The following STPG2 variants were observed in gnomAD, a reference collection of about 807,000 sequenced individuals.
The protein encoded by STPG2 is sperm-tail PG-rich repeat-containing protein 2.
STPG2 carries 56 observed loss-of-function variants against 54.2 expected under a neutral mutation model. The ratio of observed to expected loss-of-function variants is 1.03; its 90% CI spans 0.83 to 1.29. The LOEUF (loss-of-function observed/expected upper bound fraction) is 1.29. Ranked by LOEUF, STPG2 falls within the 50% of genes most tolerant of loss-of-function variation. STPG2 has a pLI of 0.00. For missense variants in STPG2, 596 were observed against 544.9 expected (o/e 1.09, Z -0.93); for synonymous variants, 200 against 181.8 (o/e 1.10, Z -0.81).
chr4:97,758,512 T>C (rs187055185), intron 9 of STPG2, among the ~76,000 whole-genome samples: 299 of 152,150 alleles, frequency 2.0e-3, no homozygotes, highest in African/African-American at 6.8e-3. Context: ...CTCAGCAAAT[T>C]AACACAGGAA....
At chr4:97,936,416 C>A (rs993118270) in intron 8 of STPG2, among the ~76,000 whole-genome samples, 1 of 152,162 alleles carries the variant, frequency 6.6e-6, no homozygotes, top group African/African-American at 2.4e-5. Flanking sequence ...TCGATCCTGT[C>A]ATCATGATGC....
chr4:98,095,290 A>G (rs1738820657), intron 5 of STPG2, among the ~76,000 whole-genome samples: 1 of 152,222 alleles, frequency 6.6e-6, no homozygotes, highest in Non-Finnish European at 1.5e-5. Context: ...CAGAAAACAA[A>G]TAACAAAATG....
At chr4:97,500,362 GA>G in intron 4 of STPG2, among the ~76,000 whole-genome samples, 1 of 152,082 alleles carries the variant, frequency 6.6e-6, no homozygotes, top group East Asian at 1.9e-4. Flanking sequence ...GACTATTAAA[GA>G]AGCAGAAACT....
chr4:98,037,072 C>G (rs1367966408), intron 5 of STPG2, among the ~76,000 whole-genome samples: 1 of 151,540 alleles, frequency 6.6e-6, no homozygotes, highest in Non-Finnish European at 1.5e-5. Flanking sequence ...GAAGAAACAC[C>G]CAGGCCCAGG....
At chr4:97,483,025 C>T (rs115206518) in intron 4 of STPG2, among the ~76,000 whole-genome samples, 2,604 of 151,778 alleles carry the variant, frequency 0.017, 32 homozygotes, top group Non-Finnish European at 0.025. Context: ...TTTGCCACCA[C>T]CAAGCCATCA....
chr4:97,462,650 T>C (rs1260346847), intron 4 of STPG2, among the ~76,000 whole-genome samples: 1 of 152,088 alleles, frequency 6.6e-6, no homozygotes, highest in East Asian at 1.9e-4. Flanking sequence ...TATTTTTTTT[T>C]ATATCATTGG....
intron 5 of STPG2, among the ~76,000 whole-genome samples, chr4:98,077,198 A>C (rs923182244): frequency 6.6e-6 from 1 of 151,644 alleles, no homozygotes; most frequent in African/African-American, 2.4e-5. Flanking sequence ...TGTAATCCAC[A>C]TAAAGTTCTT....
intron 5 of STPG2, among the ~76,000 whole-genome samples, chr4:97,996,587 A>G: frequency 1.4e-4 from 1 of 7,274 alleles, no homozygotes. Context: ...CAATTGCAAC[A>G]AAAACAAAGA....
intron 8 of STPG2, among the ~76,000 whole-genome samples, chr4:97,859,054 C>A (rs1467360623): frequency 6.6e-6 from 1 of 152,134 alleles, no homozygotes; most frequent in Admixed American, 6.5e-5. Flanking sequence ...TCCATGCTAA[C>A]ATCTACTTTT....
chr4:97,968,262 CCA>C (rs1734190929), intron 7 of STPG2, among the ~76,000 whole-genome samples: 2 of 152,136 alleles, frequency 1.3e-5, no homozygotes, highest in South Asian at 4.1e-4. Context: ...ACTGAATCGA[CCA>C]ATAACAGGTT....
chr4:97,642,873 AAG>A (rs934670793), intron 10 of STPG2, among the ~76,000 whole-genome samples: 1 of 151,548 alleles, frequency 6.6e-6, no homozygotes, highest in Admixed American at 6.6e-5. Context: ...AAAACAAAAA[AAG>A]AAAATTAAGC....
chr4:97,974,687 G>T (rs1734445086), intron 6 of STPG2, among the ~76,000 whole-genome samples: 1 of 151,860 alleles, frequency 6.6e-6, no homozygotes, highest in Admixed American at 6.5e-5. Flanking sequence ...CCCTCCTCTT[G>T]TCTGCTGCCA....
At chr4:97,645,765 A>G (rs1380862128) in intron 10 of STPG2, among the ~76,000 whole-genome samples, 1 of 152,122 alleles carries the variant, frequency 6.6e-6, no homozygotes, top group Non-Finnish European at 1.5e-5. Flanking sequence ...CAGTAGTTAA[A>G]TTAGTTACAG....
chr4:97,485,596 G>A (rs774179272), intron 4 of STPG2, among the ~76,000 whole-genome samples: 53 of 151,806 alleles, frequency 3.5e-4, no homozygotes, highest in Non-Finnish European at 6.6e-4. Context: ...GCTCATGGAT[G>A]GATAGAATCC....
intron 10 of STPG2, among the ~76,000 whole-genome samples, chr4:97,707,884 C>T (rs1032678335): frequency 4.6e-5 from 7 of 151,992 alleles, no homozygotes; most frequent in Non-Finnish European, 7.4e-5. Context: ...AAACACTAAG[C>T]CTAACAAAAT....
intron 10 of STPG2, among the ~76,000 whole-genome samples, chr4:97,616,070 A>ATG (rs1420272328): frequency 2.7e-5 from 2 of 74,634 alleles, no homozygotes; most frequent in Non-Finnish European, 5.8e-5. Context: ...ATATATATAT[A>ATG]TATATATATA....
At position 97,943,908 on chromosome 4, in the gene STPG2, C is replaced by G. The variant is rs761557604; in HGVS notation, c.1033G>C (p.Val345Leu). The G allele has an allele frequency of 6.4e-7, 1 of 1,572,556 alleles. No homozygotes were observed. The highest frequency in any genetic ancestry group is 1.4e-5 in the African/African-American group (1 of 72,152). The change falls in exon 8 of 11, where the codon GTA becomes CTA. Residue 345 changes from valine to leucine, a missense_variant. Physicochemically the swap from Val to Leu is conservative, Grantham distance 32 (BLOSUM62 1). Transcript: ENST00000295268. ...AGGAGTATTCTTACCATATCTGGTA[C>G]TTTCATAGTTCTTTTGGCTCTTGAC... ...FLSRAKRTMK[V>L]PDMVIPAPGS...
intron 8 of STPG2, among the ~76,000 whole-genome samples, chr4:97,909,026 A>ATAC (rs1294826503): frequency 6.7e-6 from 1 of 148,700 alleles, no homozygotes; most frequent in Non-Finnish European, 1.5e-5. Context: ...AATAATAATA[A>ATAC]TAATAATAAT....
chr4:97,885,946 T>G (rs997996432), intron 8 of STPG2, among the ~76,000 whole-genome samples: 2 of 152,114 alleles, frequency 1.3e-5, no homozygotes, highest in Admixed American at 1.3e-4. Context: ...AGTCATAAAA[T>G]GTTCTAAGAT....
Sources: gnomAD v4.1 joint callset for allele counts (sites outside exome capture counted in the v4.1 genomes callset) on GRCh38, gnomAD v4.1.1 for gene constraint, MANE v1.5 for transcripts, NCBI Gene and HGNC (gene_info 2026-07-23, HGNC 2026-07-21) for gene names.